Variants in UROC1 observed in about 807,000 individuals in gnomAD.
UROC1 encodes the protein urocanate hydratase 1.
UROC1 carries 79 observed loss-of-function variants against 89.5 expected under a neutral mutation model. The observed-to-expected ratio is 0.88, with a 90% confidence interval of 0.74 to 1.06. UROC1 has a LOEUF of 1.06. Ranked by LOEUF, UROC1 falls within the 50% of genes least tolerant of loss-of-function variation. UROC1 has a pLI of 0.00. For synonymous variants in UROC1, 361 were observed against 354.8 expected (o/e 1.02, Z -0.20); for missense variants, 885 against 907.8 (o/e 0.97, Z 0.32).
At chr3:126,510,862 TG>T in intron 1 of UROC1, 68 bp from the exon 2 acceptor site, 1 of 1,578,662 alleles carries the variant, frequency 6.3e-7, no homozygotes, top group African/African-American at 1.3e-5. Context: ...GGCCCCGCGA[TG>T]GGCCATCCTC....
At chr3:126,502,459 TTGTGTGTGCA>T (rs796179080) in intron 9 of UROC1, among the ~76,000 whole-genome samples, 10 of 152,144 alleles carry the variant, frequency 6.6e-5, no homozygotes, top group African/African-American at 1.9e-4. Flanking sequence ...GCATTGTGTG[TTGTGTGTGCA>T]TGTGTGTGCA....
intron 2 of UROC1, among the ~76,000 whole-genome samples, chr3:126,510,243 G>T (rs1319693027): frequency 1.3e-5 from 2 of 152,338 alleles, no homozygotes; most frequent in African/African-American, 4.8e-5. Context: ...GCCTCCAGGG[G>T]TGCTGTGCAC....
chr3:126,495,265 T>C (rs971209758), intron 15 of UROC1, among the ~76,000 whole-genome samples: 1 of 152,188 alleles, frequency 6.6e-6, no homozygotes, highest in Non-Finnish European at 1.5e-5. Context: ...TGGTATTAAG[T>C]CGATTCATAA....
chr3:126,498,192 C>T lies in UROC1; in HGVS notation c.1317-20G>A, dbSNP rs1560120645. ...ATGTCCCTGCAAGCACAGATGCCTC[C>T]TCACCCTGGGCCCGCTGGCTTGTTG... On this transcript the variant is annotated intron_variant, in intron 13 of 19. Transcript: ENST00000290868. 6.2e-7 allele frequency: 1 copy of T among 1,614,062 alleles called. No homozygotes were observed. Among genetic ancestry groups the T allele is most frequent in the East Asian group, 2.2e-5 (1 of 44,874 alleles).
At chr3:126,503,491 C>T (rs1576724652) in intron 9 of UROC1, among the ~76,000 whole-genome samples, 3 of 152,344 alleles carry the variant, frequency 2.0e-5, no homozygotes, top group South Asian at 2.1e-4. Context: ...AGAAACCCAC[C>T]GACTGCCCCT....
At chr3:126,508,586 G>A (rs1936124224) in intron 3 of UROC1, 111 bp from the exon 4 acceptor site, 1 of 832,906 alleles carries the variant, frequency 1.2e-6, no homozygotes, top group African/African-American at 1.7e-5. Context: ...GACAAGGAGA[G>A]AAGCCAGAAG....
At chr3:126,517,471 T>C (rs1445739065) in intron 1 of UROC1, 123 bp downstream of exon 1, 42 of 1,476,556 alleles carry the variant, frequency 2.8e-5, no homozygotes, top group Non-Finnish European at 3.5e-5. Flanking sequence ...CTGGAGCCCC[T>C]GGAGTCCAGG....
rs770947090 is a variant in UROC1 at position 126,506,462 on chromosome 3, A to G, written c.603-451T>C. Among the ~76,000 whole-genome samples, 44 of 152,308 alleles carry G rather than the reference A, an allele frequency of 2.9e-4. No homozygotes were observed. In the Middle Eastern group the frequency reaches 0.014, roughly 47 times the overall value. On this transcript the variant is annotated intron_variant, in intron 6 of 19. Transcript: ENST00000290868. ...GTGGCGGAAACACCACATGGCAGAG[A>G]GGGACAGGGCCCTGCACTGTGCCCA... is the stretch of plus-strand genomic sequence containing the variant.
chr3:126,510,925 A>T, intron 1 of UROC1, 131 bp from the exon 2 acceptor site: 1 of 1,389,916 alleles, frequency 7.2e-7, no homozygotes, highest in Admixed American at 2.2e-5. Flanking sequence ...GCCCACCCAG[A>T]GACTGTTCTC....
chr3:126,486,926 T>G (rs76088117), intron 18 of UROC1, among the ~76,000 whole-genome samples: 1 of 152,148 alleles, frequency 6.6e-6, no homozygotes, highest in Non-Finnish European at 1.5e-5. Flanking sequence ...CAGGATGAAT[T>G]TGTGGCACTT....
At chr3:126,493,418 G>A (rs572813894) in intron 15 of UROC1, among the ~76,000 whole-genome samples, 1 of 152,342 alleles carries the variant, frequency 6.6e-6, no homozygotes, top group South Asian at 2.1e-4. Context: ...TCCATACAGT[G>A]GATTGTGATT....
Position 126,511,769 on chromosome 3 carries a change from C to A in UROC1, c.127-975G>T, listed in dbSNP as rs549814316. ...AGCAAAGGAGATTCTGGCAATTTTT[C>A]CAAATCCGAAATACAGCCCCAAAGC... On this transcript the variant is annotated intron_variant, in intron 1 of 19. Transcript: ENST00000290868. 1.1e-3 allele frequency among the ~76,000 whole-genome samples: 160 copies of A among 152,226 alleles called. 1 individual carries two copies. The highest frequency in any genetic ancestry group is 1.7e-3 in the Non-Finnish European group (116 of 68,042).
At chr3:126,502,757 GT>G (rs1935963959) in intron 9 of UROC1, among the ~76,000 whole-genome samples, 1 of 31,382 alleles carries the variant, frequency 3.2e-5, no homozygotes, top group Non-Finnish European at 8.0e-5. Flanking sequence ...TGTGTATGTT[GT>G]GTGTGTTTGT....
chr3:126,503,014 T>G (rs1445200284), intron 9 of UROC1, among the ~76,000 whole-genome samples: 1 of 152,002 alleles, frequency 6.6e-6, no homozygotes. Context: ...GCATGTTGTG[T>G]GTGTTTATGT....
At chr3:126,513,056 C>T (rs968354898) in intron 1 of UROC1, among the ~76,000 whole-genome samples, 11 of 152,188 alleles carry the variant, frequency 7.2e-5, no homozygotes, top group African/African-American at 1.9e-4. Context: ...CTGTGCCAGG[C>T]GCACGCCTGT....
rs182913534 is a variant in UROC1 at position 126,493,567 on chromosome 3, C to T, written c.1510-1051G>A. Among the ~76,000 whole-genome samples the T allele has an allele frequency of 7.2e-5, 11 of 152,210 alleles. No homozygotes were observed. The East Asian group carries it at 2.1e-3, about 29-fold the overall frequency. ...TCGCTTATATGAGGTTGTTGAGTGCCAGGGGCCGTGGGAGTAGAATGGGGA... is the reference window on the plus strand; with the variant it reads ...TCGCTTATATGAGGTTGTTGAGTGCTAGGGGCCGTGGGAGTAGAATGGGGA... On this transcript the variant is annotated intron_variant, in intron 15 of 19. Transcript: ENST00000290868.
chr3:126,489,166 C>A, intron 17 of UROC1, 110 bp downstream of exon 17: 1 of 1,075,128 alleles, frequency 9.3e-7, no homozygotes, highest in Non-Finnish European at 1.4e-6. Flanking sequence ...CTATGCCGAG[C>A]CTCTCAGGTG....
chr3:126,501,727 G>C, intron 9 of UROC1: 1 of 1,520,382 alleles, frequency 6.6e-7, no homozygotes, highest in Non-Finnish European at 9.0e-7. Flanking sequence ...CTTGCAGGTA[G>C]TAGAGATATC....
intron 15 of UROC1, among the ~76,000 whole-genome samples, chr3:126,495,245 C>T (rs1301677202): frequency 6.6e-6 from 1 of 152,256 alleles, no homozygotes; most frequent in East Asian, 1.9e-4. Context: ...TTTCTAAGTA[C>T]ACAGTTTAGT....
Sources: gnomAD v4.1 joint callset for allele counts (sites outside exome capture counted in the v4.1 genomes callset) on GRCh38, gnomAD v4.1.1 for gene constraint, MANE v1.5 for transcripts, NCBI Gene and HGNC (gene_info 2026-07-23, HGNC 2026-07-21) for gene names.